Variants in ATG5 observed in about 807,000 individuals in gnomAD.
ATG5 encodes the protein autophagy related 5.
Under a neutral mutation model 36.5 loss-of-function variants are expected in ATG5, and 14 were observed. The ratio of observed to expected loss-of-function variants is 0.38; its 90% CI spans 0.25 to 0.60. ATG5 has a LOEUF of 0.60. Among genes scored for constraint, ATG5 ranks in the 20% least tolerant of loss-of-function variants. The pLI, the probability that ATG5 is intolerant of heterozygous loss-of-function variation, is 0.60. For synonymous variants in ATG5, 95 were observed against 101.5 expected (o/e 0.94, Z 0.38); for missense variants, 195 against 326.7 (o/e 0.60, Z 3.11).
At chr6:106,216,655 C>T (rs986820714) in intron 6 of ATG5, among the ~76,000 whole-genome samples, 7 of 152,202 alleles carry the variant, frequency 4.6e-5, no homozygotes, top group African/African-American at 9.6e-5. Context: ...AATTTTATCA[C>T]GGGAATGGTT....
chr6:106,275,867 G>C (rs1345062341), intron 5 of ATG5, among the ~76,000 whole-genome samples: 2 of 152,158 alleles, frequency 1.3e-5, no homozygotes, highest in African/African-American at 2.4e-5. Flanking sequence ...AATATGTTAG[G>C]CTTGTGGGCC....
intron 6 of ATG5, among the ~76,000 whole-genome samples, chr6:106,239,865 C>T (rs1778047156): frequency 6.6e-6 from 1 of 152,188 alleles, no homozygotes; most frequent in South Asian, 2.1e-4. Flanking sequence ...TCAACAGAGA[C>T]CATCTTGTCT....
chr6:106,261,240 T>C (rs1779007069), intron 5 of ATG5, among the ~76,000 whole-genome samples: 1 of 152,232 alleles, frequency 6.6e-6, no homozygotes, highest in South Asian at 2.1e-4. Context: ...CAGCATACTA[T>C]TGATTCATTT....
intron 7 of ATG5, among the ~76,000 whole-genome samples, chr6:106,194,055 G>T (rs1455368470): frequency 6.6e-6 from 1 of 152,166 alleles, no homozygotes; most frequent in African/African-American, 2.4e-5. Context: ...GTCCAGTAAT[G>T]TCATCATTTC....
intron 6 of ATG5, 51 bp from the exon 7 acceptor site, chr6:106,202,140 C>A: frequency 7.1e-7 from 1 of 1,417,796 alleles, no homozygotes; most frequent in South Asian, 1.2e-5. Flanking sequence ...TTGTTGCTGC[C>A]AATTACAAAT....
rs1015371266 is a variant in ATG5 at position 106,199,211 on chromosome 6, C to T, written c.691+2761G>A. Among the ~76,000 whole-genome samples, 11 of 152,164 alleles carry T rather than the reference C, an allele frequency of 7.2e-5. No homozygotes were observed. In the Middle Eastern group the frequency reaches 0.01, roughly 141 times the overall value. On this transcript the variant is annotated intron_variant, in intron 7 of 7. Coordinates refer to ENST00000369076, the MANE Select transcript of ATG5 (RefSeq NM_004849.4). ...TTACTATATGACCTTGTCATTCCAC[C>T]CCTAGGAAGCTACCCAAGAAAAATG... is the stretch of plus-strand genomic sequence containing the variant.
chr6:106,292,948 C>T, intron 4 of ATG5, 80 bp downstream of exon 4: 1 of 1,143,944 alleles, frequency 8.7e-7, no homozygotes, highest in Non-Finnish European at 1.3e-6. Flanking sequence ...TAAATAACTT[C>T]ACTTAAAAAG....
chr6:106,231,839 TA>T (rs1352866097), intron 6 of ATG5, among the ~76,000 whole-genome samples: 2 of 151,278 alleles, frequency 1.3e-5, no homozygotes, highest in Non-Finnish European at 3.0e-5. Flanking sequence ...ACAAATGGGA[TA>T]AAAAAAAGGC....
In ATG5 at chr6:106,273,487, T is replaced by C. The variant is rs35844805; in HGVS notation, c.478+6174A>G. Among the ~76,000 whole-genome samples, 1,252 of 152,344 alleles carry C rather than the reference T, an allele frequency of 8.2e-3. 12 individuals are homozygous for C. Among genetic ancestry groups the C allele is most frequent in the Non-Finnish European group, 0.01 (699 of 68,034 alleles). On this transcript the variant is annotated intron_variant, in intron 5 of 7. Coordinates refer to ENST00000369076, the MANE Select transcript of ATG5 (RefSeq NM_004849.4). ...ATCAGAATTAAGGTGTATGTGATTATTGCTTTACAATCCTTGAATTTGAGT... is the reference window on the plus strand; with the variant it reads ...ATCAGAATTAAGGTGTATGTGATTACTGCTTTACAATCCTTGAATTTGAGT...
chr6:106,192,560 A>G (rs1026543772), intron 7 of ATG5, among the ~76,000 whole-genome samples: 3 of 152,206 alleles, frequency 2.0e-5, no homozygotes, highest in Non-Finnish European at 4.4e-5. Context: ...AAATTCATAC[A>G]TGTTTTTAAC....
rs997347551 is a variant in ATG5 at position 106,203,240 on chromosome 6, T to G, written c.574-1151A>C. On this transcript the variant is annotated intron_variant, in intron 6 of 7. Transcript: ENST00000369076. ...GCTAATAATCTCATTGTTTTACTCT[T>G]AAAATTGTTTCATTTACTAAATTTC... is the stretch of plus-strand genomic sequence containing the variant. 3.3e-5 allele frequency among the ~76,000 whole-genome samples: 5 copies of G among 152,210 alleles called. No homozygotes were observed. The East Asian group carries it at 9.6e-4, about 29-fold the overall frequency.
Position 106,200,975 on chromosome 6 carries a change from C to T in ATG5, c.691+997G>A, listed in dbSNP as rs535078894. Among the ~76,000 whole-genome samples, 127 of 152,248 alleles carry T rather than the reference C, an allele frequency of 8.3e-4. 4 individuals carry two copies. The South Asian group carries it at 0.026, about 31-fold the overall frequency. On this transcript the variant is annotated intron_variant, in intron 7 of 7. Transcript: ENST00000369076. ...TACCAAAATCCACCCAGGCTCAAGT[C>T]GCTTATATAGAATGGCATAATATTT...
At chr6:106,246,195 T>A (rs1030152938) in intron 6 of ATG5, among the ~76,000 whole-genome samples, 2 of 152,132 alleles carry the variant, frequency 1.3e-5, no homozygotes, top group African/African-American at 4.8e-5. Flanking sequence ...CTTTGTTGCT[T>A]TCTGTTTAAG....
rs1437571130 is a variant in ATG5 at position 106,313,950 on chromosome 6, T to C, written c.108+2151A>G. Among the ~76,000 whole-genome samples the C allele has an allele frequency of 6.3e-4, 96 of 152,336 alleles. 1 individual carries two copies. Among genetic ancestry groups the C allele is most frequent in the Non-Finnish European group, 7.4e-5 (5 of 68,024 alleles). On this transcript the variant is annotated intron_variant, in intron 2 of 7. Transcript: ENST00000369076. Reference sequence around the variant, plus strand: ...TAAATTCCAGTTTTTTGTTTTATGTTTATTATATGCCAGTCACCCAACAGT... The same window carrying C: ...TAAATTCCAGTTTTTTGTTTTATGTCTATTATATGCCAGTCACCCAACAGT...
At chr6:106,318,177 T>G (rs573151996) in intron 1 of ATG5, among the ~76,000 whole-genome samples, 1 of 152,132 alleles carries the variant, frequency 6.6e-6, no homozygotes, top group Non-Finnish European at 1.5e-5. Context: ...TCAAGCACTG[T>G]CCTCTCAAGG....
intron 6 of ATG5, among the ~76,000 whole-genome samples, chr6:106,229,502 G>T (rs191148337): frequency 6.6e-6 from 1 of 152,168 alleles, no homozygotes; most frequent in East Asian, 1.9e-4. Flanking sequence ...ACAAAGAGGA[G>T]AAAGAGGCAG....
intron 7 of ATG5, among the ~76,000 whole-genome samples, chr6:106,200,883 T>TACAC (rs34936565): frequency 2.1e-4 from 32 of 151,472 alleles, no homozygotes; most frequent in East Asian, 9.7e-4. Context: ...CAGGACATTT[T>TACAC]ACACACACAC....
intron 1 of ATG5, among the ~76,000 whole-genome samples, chr6:106,316,586 C>A (rs929181024): frequency 1.3e-5 from 2 of 152,106 alleles, no homozygotes; most frequent in African/African-American, 4.8e-5. Flanking sequence ...TACTGCTTAC[C>A]TAAAGAGGAG....
At chr6:106,280,666 C>G (rs1356532389) in intron 4 of ATG5, among the ~76,000 whole-genome samples, 1 of 152,110 alleles carries the variant, frequency 6.6e-6, no homozygotes, top group Non-Finnish European at 1.5e-5. Context: ...TTACTGAACA[C>G]TTACTGTGAC....
Sources: allele counts gnomAD v4.1 joint callset (sites outside exome capture counted in the v4.1 genomes callset), GRCh38; gene constraint gnomAD v4.1.1; transcripts MANE v1.5; gene names NCBI Gene and HGNC (gene_info 2026-07-23, HGNC 2026-07-21).